Variants in TMLHE observed in about 807,000 individuals in gnomAD.
TMLHE encodes the protein trimethyllysine dioxygenase, mitochondrial.
In TMLHE, 18 loss-of-function variants were observed where a neutral mutation model predicts 25.7. That is an observed-to-expected ratio of 0.70 (90% CI 0.48 to 1.04). TMLHE has a LOEUF of 1.04. Ranked by LOEUF, TMLHE falls within the 50% of genes least tolerant of loss-of-function variation. The pLI, the probability that TMLHE is intolerant of heterozygous loss-of-function variation, is 0.00. For synonymous variants in TMLHE, 105 were observed against 97.0 expected (o/e 1.08, Z -0.49); for missense variants, 236 against 259.0 (o/e 0.91, Z 0.61).
intron 1 of TMLHE, among the ~76,000 whole-genome samples, chrX:155,553,761 A>G (rs1311569365): frequency 9.1e-6 from 1 of 109,826 alleles, no homozygotes; most frequent in Admixed American, 9.8e-5. Context: ...TTGTACTAAT[A>G]TGGTAATTTG....
intron 1 of TMLHE, among the ~76,000 whole-genome samples, chrX:155,578,037 T>G (rs925316811): frequency 1.3e-4 from 15 of 111,878 alleles, no homozygotes; most frequent in Non-Finnish European, 2.3e-4. Context: ...CTGGGGCTAA[T>G]GCTGCCACTG....
intron 1 of TMLHE, among the ~76,000 whole-genome samples, chrX:155,561,030 T>C (rs782198151): frequency 8.2e-5 from 5 of 61,153 alleles, no homozygotes; most frequent in African/African-American, 1.8e-4. Context: ...ACTAAGGCAG[T>C]AGCAGTGAAA....
intron 4 of TMLHE, among the ~76,000 whole-genome samples, chrX:155,512,905 G>A (rs376010113): frequency 6.1e-4 from 68 of 111,359 alleles, no homozygotes; most frequent in Middle Eastern, 4.6e-3. Flanking sequence ...TTTCCTGTTC[G>A]GCTCAAATCT....
At chrX:155,537,145 C>T (rs782712693) in intron 2 of TMLHE, among the ~76,000 whole-genome samples, 3 of 112,009 alleles carry the variant, frequency 2.7e-5, no homozygotes, top group East Asian at 2.8e-4. Flanking sequence ...AAAATCAAGG[C>T]AGTAAAATCA....
intron 1 of TMLHE, among the ~76,000 whole-genome samples, chrX:155,554,659 C>A (rs1387242393): frequency 3.7e-5 from 4 of 109,268 alleles, no homozygotes; most frequent in Non-Finnish European, 7.6e-5. Flanking sequence ...AATCCACGAA[C>A]TGATGCTTGT....
chrX:155,547,205 C>T (rs5940482), intron 1 of TMLHE, among the ~76,000 whole-genome samples: 2,483 of 93,271 alleles, frequency 0.027, 60 homozygotes, highest in African/African-American at 0.041. Context: ...AGTGCAGTGG[C>T]GCTATCTCGG....
chrX:155,606,989 C>T (rs1034726028), intron 1 of TMLHE, among the ~76,000 whole-genome samples: 1 of 110,871 alleles, frequency 9.0e-6, no homozygotes, highest in Non-Finnish European at 1.9e-5. Context: ...AGCCTACCAA[C>T]CAGAAAAAAA....
chrX:155,528,042 C>G (rs1214468977), intron 2 of TMLHE, among the ~76,000 whole-genome samples: 1 of 110,741 alleles, frequency 9.0e-6, no homozygotes, highest in African/African-American at 3.3e-5. Context: ...CTGCCCCCAG[C>G]CTTGGTAATA....
At chrX:155,548,016 A>C (rs781907925) in intron 1 of TMLHE, among the ~76,000 whole-genome samples, 1 of 111,661 alleles carries the variant, frequency 9.0e-6, no homozygotes, top group African/African-American at 3.3e-5. Context: ...CAATTTTTAG[A>C]AATCAGCCCA....
intron 1 of TMLHE, among the ~76,000 whole-genome samples, chrX:155,586,221 C>T (rs1406175168): frequency 4.8e-5 from 3 of 62,363 alleles, no homozygotes; most frequent in African/African-American, 8.7e-5. Flanking sequence ...AGCAAAGCTC[C>T]GTCTCAAAAA....
intron 1 of TMLHE, among the ~76,000 whole-genome samples, chrX:155,547,148 A>G (rs1303637456): frequency 3.7e-5 from 4 of 107,660 alleles, no homozygotes; most frequent in Non-Finnish European, 7.7e-5. Context: ...ACTAATAGGT[A>G]CTTTTTTTTT....
intron 1 of TMLHE, among the ~76,000 whole-genome samples, chrX:155,557,500 T>A (rs1296343068): frequency 5.4e-5 from 6 of 112,108 alleles, no homozygotes; most frequent in Non-Finnish European, 1.1e-4. Flanking sequence ...AATGCTGTAT[T>A]ACTTTTCAAA....
At chrX:155,567,810 G>T (rs1478592764) in intron 1 of TMLHE, among the ~76,000 whole-genome samples, 1 of 61,809 alleles carries the variant, frequency 1.6e-5, no homozygotes, top group South Asian at 9.4e-4. Context: ...GCCATCATTT[G>T]TAGAAGATCA....
intron 2 of TMLHE, among the ~76,000 whole-genome samples, chrX:155,527,248 C>T (rs148912655): frequency 2.8e-3 from 312 of 111,614 alleles, no homozygotes; most frequent in African/African-American, 9.9e-3. Flanking sequence ...TCCCCCCTTG[C>T]TGCTCTAATG....
chrX:155,513,458 G>T (rs1245093642), intron 4 of TMLHE, among the ~76,000 whole-genome samples: 2 of 111,285 alleles, frequency 1.8e-5, no homozygotes, highest in African/African-American at 6.5e-5. Context: ...ATAATTAAAA[G>T]AAAATAATGG....
intron 1 of TMLHE, among the ~76,000 whole-genome samples, chrX:155,547,214 G>A (rs980201694): frequency 4.4e-5 from 4 of 91,369 alleles, no homozygotes; most frequent in Admixed American, 1.2e-4. Context: ...GCGCTATCTC[G>A]GCTCACTGCA....
rs782052855 is a variant in TMLHE, at chrX:155,548,592, G to A, written c.-1-3315C>T. On this transcript the variant is annotated intron_variant, in intron 1 of 7. Coordinates refer to ENST00000334398, the MANE Select transcript of TMLHE (RefSeq NM_018196.4). ...CTACTAAAAAATACAAAAATTAGCC[G>A]GGTGTGGTGGCACACACCTGTATTC... is the stretch of plus-strand genomic sequence containing the variant. Among the ~76,000 whole-genome samples, 820 of 109,005 alleles carry A rather than the reference G, an allele frequency of 7.5e-3. 32 individuals carry two copies. The highest frequency in any genetic ancestry group is 0.026 in the African/African-American group (762 of 29,459). 94.7% of individuals were successfully genotyped at this position (109,005 alleles called of 115,157 possible). A position where few individuals can be genotyped will look rare whatever the true frequency, so the allele number is the denominator to read the frequency against.
intron 2 of TMLHE, among the ~76,000 whole-genome samples, chrX:155,536,735 A>C (rs1378219275): frequency 8.9e-6 from 1 of 111,947 alleles, no homozygotes; most frequent in African/African-American, 3.2e-5. Flanking sequence ...TAAATATTTG[A>C]TAGGTATCAA....
intron 1 of TMLHE, among the ~76,000 whole-genome samples, chrX:155,610,562 T>C (rs781979271): frequency 9.0e-6 from 1 of 111,556 alleles, no homozygotes; most frequent in Non-Finnish European, 1.9e-5. Flanking sequence ...TTATTAGGGA[T>C]CATACAGAGG....
Sources: allele counts gnomAD v4.1 joint callset (sites outside exome capture counted in the v4.1 genomes callset), GRCh38; gene constraint gnomAD v4.1.1; transcripts MANE v1.5; gene names NCBI Gene and HGNC (gene_info 2026-07-23, HGNC 2026-07-21).